The following MYO9B variants were observed in gnomAD, a reference collection of about 807,000 sequenced individuals.
MYO9B encodes unconventional myosin-IXb.
MYO9B carries 71 observed loss-of-function variants against 229.5 expected under a neutral mutation model. That is an observed-to-expected ratio of 0.31 (90% confidence interval 0.26 to 0.38). The LOEUF is 0.38. MYO9B is among the 10% of genes least tolerant of loss of function. MYO9B has a pLI of 1.00. For missense variants in MYO9B, 2,255 were observed against 2,920.5 expected, an observed-to-expected ratio of 0.77 and a Z score of 5.25; for synonymous variants, 1,185 against 1,235.8, an observed-to-expected ratio of 0.96 and a Z score of 0.86.
intron 2 of MYO9B, among the ~76,000 whole-genome samples, chr19:17,131,595 C>G (rs963706063): frequency 1.3e-5 from 2 of 152,088 alleles, no homozygotes; most frequent in East Asian, 3.9e-4. Context: ...CTCTAACTTT[C>G]TCAATTCAAG....
chr19:17,181,128 A>C, intron 15 of MYO9B, 88 bp downstream of exon 15: 1 of 884,070 alleles, frequency 1.1e-6, no homozygotes, highest in Non-Finnish European at 1.7e-6. Flanking sequence ...AGTCTTCCTA[A>C]TTTGCATCGG....
At position 17,110,675 on chromosome 19, in the gene MYO9B, C is replaced by G. The variant is rs1387630104; in HGVS notation, c.840+8118C>G. ...GGATCCTTGCTTGTCAGGCTGTTGT[C>G]CCAAGGGTCCCTGGACTCCATGGAG... On this transcript the variant is annotated intron_variant, in intron 2 of 39. Transcript: ENST00000682292. 2.0e-5 allele frequency among the ~76,000 whole-genome samples: 3 copies of G among 152,300 alleles called. No individual in the cohort carries two copies. In the East Asian group the frequency reaches 5.8e-4, roughly 29 times the overall value.
chr19:17,084,463 T>G (rs1220250251), intron 1 of MYO9B, among the ~76,000 whole-genome samples: 2 of 152,142 alleles, frequency 1.3e-5, no homozygotes, highest in Non-Finnish European at 2.9e-5. Context: ...TATTTGTGGC[T>G]GGGTCCCTCT....
intron 2 of MYO9B, among the ~76,000 whole-genome samples, chr19:17,116,017 G>C (rs1258106058): frequency 2.3e-5 from 2 of 85,464 alleles, no homozygotes; most frequent in African/African-American, 5.5e-5. Context: ...AACTCACTCT[G>C]TCTCTCTGCC....
In MYO9B at chr19:17,212,028, C is replaced by T. The variant is rs755131680; in HGVS notation, c.6192C>T (p.Ile2064=). ...VRVKTPRRTP[I]MPTANIKLPP... ...TGAAGACCCCCCGGCGGACCCCCAT[C>T]ATGCCCACGGCCAACATCAAGCTCC... Residue 2064 remains isoleucine (I), a synonymous_variant, in exon 40 of 40, where the codon ATC becomes ATT. Coordinates refer to ENST00000682292, the MANE Select transcript of MYO9B (RefSeq NM_004145.4). This position sits in a 1 kb window ranked among gnomAD's most constrained non-coding sequence, Gnocchi z 5.4. 11 of 1,609,288 alleles carry T rather than the reference C, an allele frequency of 6.8e-6. No homozygotes were observed. Among genetic ancestry groups the T allele is most frequent in the South Asian group, 3.3e-5 (3 of 90,812 alleles).
At position 17,150,984 on chromosome 19, in the gene MYO9B, A is replaced by G; in HGVS notation, c.936-1660A>G. Among the ~76,000 whole-genome samples, 2 of 103,564 alleles carry G rather than the reference A, an allele frequency of 1.9e-5. 1 individual carries two copies. Among genetic ancestry groups the G allele is most frequent in the Non-Finnish European group, 5.1e-5 (2 of 39,368 alleles). The allele number at this position is 103,564 out of a possible 152,430, so 67.9% of individuals were successfully genotyped here. ...AACACTTTAACTGCTTGGCACAGAG[A>G]AAATGATTGGTAAGGCCGGGCGCAG... On this transcript the variant is annotated intron_variant, in intron 3 of 39. Coordinates refer to ENST00000682292, the MANE Select transcript of MYO9B (RefSeq NM_004145.4).
intron 36 of MYO9B, 79 bp from the exon 37 acceptor site, chr19:17,210,254 C>T (rs980978340): frequency 5.8e-5 from 82 of 1,402,014 alleles, no homozygotes; most frequent in Non-Finnish European, 7.6e-5. Context: ...ATCTTGGTAC[C>T]GGTCATTGGA....
chr19:17,076,312 G>A (rs2057483213), intron 1 of MYO9B, among the ~76,000 whole-genome samples: 1 of 151,922 alleles, frequency 6.6e-6, no homozygotes, highest in African/African-American at 2.4e-5. Context: ...GTCTGCCCGC[G>A]CGATTGAAGG....
chr19:17,132,393 G>A (rs1408174318), intron 2 of MYO9B, among the ~76,000 whole-genome samples: 2 of 150,632 alleles, frequency 1.3e-5, no homozygotes, highest in Non-Finnish European at 3.0e-5. Flanking sequence ...CACCATGTTG[G>A]CCAGGCTGGT....
At position 17,194,794 on chromosome 19, in the gene MYO9B, C is replaced by G. The variant is rs1200973333; in HGVS notation, c.3367C>G (p.Pro1123Ala). 2.5e-6 allele frequency: 4 copies of G among 1,613,254 alleles called. No individual in the cohort carries two copies. The highest frequency in any genetic ancestry group is 3.3e-5 in the Admixed American group (2 of 59,994). ...CTCACCTGAGAAGGAGGCCCCAAGC[C>G]CAGAGAAGACTCTCCCACCCCAGAA... ...HSSPEKEAPS[P>A]EKTLPPQKTV... The change falls in exon 22 of 40, where the codon CCA (proline) becomes GCA (alanine). Residue 1123 changes from proline (P) to alanine (A), a missense_variant. Transcript: ENST00000682292.
chr19:17,138,350 G>T (rs995759702), intron 2 of MYO9B, among the ~76,000 whole-genome samples: 2 of 152,082 alleles, frequency 1.3e-5, no homozygotes, highest in Non-Finnish European at 2.9e-5. Context: ...GAATAGTGCC[G>T]CAGTAAACAT....
At chr19:17,191,301 C>A in intron 20 of MYO9B, 82 bp downstream of exon 20, 1 of 1,430,680 alleles carries the variant, frequency 7.0e-7, no homozygotes, top group Non-Finnish European at 9.2e-7. Context: ...GCCCCCAGGG[C>A]CACTCTCTGA....
Position 17,197,822 on chromosome 19 carries a change from C to G in MYO9B, c.4077C>G (p.Asp1359Glu). 1 of 1,613,762 alleles carries G rather than the reference C, an allele frequency of 6.2e-7. No individual in the cohort carries two copies. The highest frequency in any genetic ancestry group is 1.1e-5 in the South Asian group (1 of 91,086). ...GGCGCACCTCCTTCTCCACGAGCGA[C>G]GTCTCCAAGCTCCTCCCGTCCCTGG... Reference protein sequence around the residue: ...EERRTSFSTSDVSKLLPSLAK... With the variant: ...EERRTSFSTSEVSKLLPSLAK... Residue 1359 changes from aspartate to glutamate, a missense_variant, in exon 23 of 40, where the codon GAC becomes GAG. Asp to Glu is a conservative substitution (Grantham distance 45, BLOSUM62 2). Coordinates refer to ENST00000682292, the MANE Select transcript of MYO9B (RefSeq NM_004145.4).
intron 18 of MYO9B, among the ~76,000 whole-genome samples, chr19:17,187,575 T>C (rs1450434547): frequency 9.7e-6 from 1 of 103,074 alleles, no homozygotes; most frequent in Admixed American, 1.1e-4. Flanking sequence ...TTCTTTCTTT[T>C]TTTTTTAAAA....
intron 13 of MYO9B, among the ~76,000 whole-genome samples, chr19:17,174,416 C>A (rs1276459133): frequency 6.6e-6 from 1 of 151,804 alleles, no homozygotes; most frequent in Non-Finnish European, 1.5e-5. Context: ...CGCAGACGAT[C>A]GCTTGAGGTC....
rs922452669 is a variant in MYO9B, at chr19:17,101,414, A to G, written c.-58-246A>G. On this transcript the variant is annotated intron_variant, in intron 1 of 39. Coordinates refer to ENST00000682292, the MANE Select transcript of MYO9B (RefSeq NM_004145.4). This position sits in a 1 kb window ranked among gnomAD's most constrained non-coding sequence, Gnocchi z 4.7. The stretch of plus-strand genomic sequence containing the variant: ...ACTCCTGGCCTCAAGCGATCCTCCC[A>G]CCTTGGCCTCCTAAAGTGTTGGGAT... 2.0e-5 allele frequency among the ~76,000 whole-genome samples: 3 copies of G among 151,882 alleles called. No homozygotes were observed. The highest frequency in any genetic ancestry group is 4.4e-5 in the Non-Finnish European group (3 of 67,972).
intron 8 of MYO9B, among the ~76,000 whole-genome samples, chr19:17,161,011 T>C (rs1011800689): frequency 6.6e-6 from 1 of 151,692 alleles, no homozygotes; most frequent in African/African-American, 2.4e-5. Context: ...TTTTTTTTTT[T>C]CCTTTTGCAT....
At chr19:17,160,505 T>C (rs940620752) in intron 8 of MYO9B, among the ~76,000 whole-genome samples, 3 of 125,722 alleles carry the variant, frequency 2.4e-5, no homozygotes, top group South Asian at 4.7e-4. Context: ...GAGCTTCTTT[T>C]TTTTCTTTTT....
chr19:17,100,248 T>G lies in MYO9B; in HGVS notation c.-58-1412T>G, dbSNP rs552871070. Among the ~76,000 whole-genome samples, 220 of 151,834 alleles carry G rather than the reference T, an allele frequency of 1.4e-3. 1 individual carries two copies. Among genetic ancestry groups the G allele is most frequent in the African/African-American group, 4.5e-3 (185 of 41,396 alleles). ...ACTTAGGGAAGTCGAGGTTGGCACATCACCTGAGGTCAGGAGTTTGAGACC... is the reference window on the plus strand; with the variant it reads ...ACTTAGGGAAGTCGAGGTTGGCACAGCACCTGAGGTCAGGAGTTTGAGACC... On this transcript the variant is annotated intron_variant, in intron 1 of 39. Coordinates refer to ENST00000682292, the MANE Select transcript of MYO9B (RefSeq NM_004145.4).
Sources: allele counts gnomAD v4.1 joint callset (sites outside exome capture counted in the v4.1 genomes callset), GRCh38; gene constraint gnomAD v4.1.1; non-coding constraint Gnocchi (gnomAD v3.1); transcripts MANE v1.5; gene names NCBI Gene and HGNC (gene_info 2026-07-23, HGNC 2026-07-21).